Variants in NBAS observed in about 807,000 individuals in gnomAD.
The protein encoded by NBAS is NBAS subunit of NRZ tethering complex.
Under a neutral mutation model 302.5 loss-of-function variants are expected in NBAS, and 219 were observed. The ratio of observed to expected loss-of-function variants is 0.72; its 90% CI spans 0.65 to 0.81. The LOEUF (loss-of-function observed/expected upper bound fraction) is 0.81. NBAS is among the 30% of genes least tolerant of loss of function. The pLI is 0.00. For missense variants in NBAS, 2,932 were observed against 2,841.6 expected, an observed-to-expected ratio of 1.03 and a Z score of -0.72; for synonymous variants, 1,118 against 1,021.6, an observed-to-expected ratio of 1.09 and a Z score of -1.80.
chr2:15,143,235 T>C, the NBAS span, among the ~76,000 whole-genome samples: 4 of 152,166 alleles, frequency 2.6e-5, no homozygotes, highest in African/African-American at 9.7e-5. Context: ...GTGAAATCGA[T>C]TACGATCCTT....
chr2:15,504,340 C>T (rs560101379), intron 10 of NBAS, 127 bp from the exon 11 acceptor site: 2 of 807,218 alleles, frequency 2.5e-6, no homozygotes, highest in East Asian at 5.4e-5. Context: ...AGAAAATCAC[C>T]AAGAAGGTGT....
chr2:15,238,157 C>T (rs1667688491), intron 45 of NBAS, among the ~76,000 whole-genome samples: 1 of 152,070 alleles, frequency 6.6e-6, no homozygotes. Context: ...ATTTTAGAGA[C>T]CTCTCCCCTC....
At chr2:15,306,690 A>C (rs1671049397) in intron 40 of NBAS, among the ~76,000 whole-genome samples, 1 of 152,136 alleles carries the variant, frequency 6.6e-6, no homozygotes, top group South Asian at 2.1e-4. Flanking sequence ...AATCAAGATA[A>C]ATGCATATTT....
At chr2:15,179,325 T>C (rs1664711965) in intron 50 of NBAS, 5 of 638,158 alleles carry the variant, frequency 7.8e-6, no homozygotes, top group Non-Finnish European at 1.4e-5. Flanking sequence ...TTCCAAGCTA[T>C]CAGATATTCA....
the NBAS span, among the ~76,000 whole-genome samples, chr2:15,089,805 G>A: frequency 7.0e-6 from 1 of 142,284 alleles, no homozygotes; most frequent in Non-Finnish European, 1.5e-5. Flanking sequence ...CTGGAGTGCA[G>A]TGGCACAATC....
chr2:15,423,307 G>A (rs1677300586), intron 23 of NBAS, among the ~76,000 whole-genome samples: 1 of 151,974 alleles, frequency 6.6e-6, no homozygotes, highest in Non-Finnish European at 1.5e-5. Flanking sequence ...AAATGTTCTT[G>A]GCCATCACCC....
At chr2:15,072,173 G>C in the NBAS span, among the ~76,000 whole-genome samples, 1 of 152,188 alleles carries the variant, frequency 6.6e-6, no homozygotes, top group Admixed American at 6.5e-5. Flanking sequence ...GAGAGTACCA[G>C]CCTCATGGCT....
the NBAS span, among the ~76,000 whole-genome samples, chr2:15,139,840 C>T: frequency 6.6e-6 from 1 of 152,168 alleles, no homozygotes; most frequent in African/African-American, 2.4e-5. Flanking sequence ...AGCCCTGTTT[C>T]CTTCAGTAGA....
At chr2:15,288,509 T>G (rs1442329361) in intron 41 of NBAS, among the ~76,000 whole-genome samples, 1 of 152,164 alleles carries the variant, frequency 6.6e-6, no homozygotes, top group East Asian at 1.9e-4. Flanking sequence ...TCCTCAGGCC[T>G]GCTAGGGGAC....
the NBAS span, among the ~76,000 whole-genome samples, chr2:15,129,633 T>G: frequency 1.3e-5 from 2 of 152,192 alleles, no homozygotes; most frequent in Non-Finnish European, 2.9e-5. Context: ...ATTCAAGCCC[T>G]TCCTTTTCTA....
chr2:15,275,422 G>A, intron 44 of NBAS, 62 bp downstream of exon 44: 2 of 1,479,442 alleles, frequency 1.4e-6, no homozygotes, highest in Non-Finnish European at 1.9e-6. Flanking sequence ...TCTACAGAAT[G>A]TAGGAGAAAT....
the NBAS span, among the ~76,000 whole-genome samples, chr2:15,043,552 G>A: frequency 6.6e-6 from 1 of 152,106 alleles, no homozygotes; most frequent in African/African-American, 2.4e-5. Flanking sequence ...GCCCCTTGCT[G>A]TGATTTCCTA....
At chr2:15,167,884 C>T (rs576289754) in intron 51 of NBAS, among the ~76,000 whole-genome samples, 195 of 152,260 alleles carry the variant, frequency 1.3e-3, no homozygotes, top group African/African-American at 4.4e-3. Flanking sequence ...CTTTTTTGTA[C>T]TCCATTGAGA....
At chr2:14,901,499 T>A in the NBAS span, among the ~76,000 whole-genome samples, 1 of 151,832 alleles carries the variant, frequency 6.6e-6, no homozygotes, top group Non-Finnish European at 1.5e-5. Flanking sequence ...GAGGATTTTA[T>A]AAACACTTTA....
At chr2:15,406,103 T>TAAAAAAAAAAAAAAA (rs71400653) in intron 25 of NBAS, among the ~76,000 whole-genome samples, 6 of 115,032 alleles carry the variant, frequency 5.2e-5, no homozygotes, top group Admixed American at 8.7e-5. Flanking sequence ...CAATAACATG[T>TAAAAAAAAAAAAAAA]AAAAAAAAAA....
intron 21 of NBAS, among the ~76,000 whole-genome samples, chr2:15,446,829 G>A (rs80180373): frequency 6.0e-5 from 9 of 151,016 alleles, no homozygotes; most frequent in Non-Finnish European, 1.3e-4. Flanking sequence ...ACTATTTGAA[G>A]TTAGACTATT....
the NBAS span, among the ~76,000 whole-genome samples, chr2:14,953,591 G>A: frequency 6.6e-6 from 1 of 152,130 alleles, no homozygotes; most frequent in African/African-American, 2.4e-5. Context: ...AGAGACTCTG[G>A]CTAAACTTCC....
chr2:15,340,201 C>T (rs952353961), intron 35 of NBAS, among the ~76,000 whole-genome samples: 9 of 152,102 alleles, frequency 5.9e-5, no homozygotes, highest in African/African-American at 1.9e-4. Flanking sequence ...CGGAGACAAA[C>T]AGGACACTAC....
rs543923667 is a variant in NBAS at position 15,233,552 on chromosome 2, G to A, written c.6146+993C>T. Among the ~76,000 whole-genome samples, 112 of 152,202 alleles carry A rather than the reference G, an allele frequency of 7.4e-4. 1 individual carries two copies. Among genetic ancestry groups the A allele is most frequent in the East Asian group, 3.9e-4 (2 of 5,182 alleles). ...AAGATAACCATAAACCAAAAGGTAT[G>A]AAATATGGCCAACAAATATCTGTCA... is the stretch of plus-strand genomic sequence containing the variant. On this transcript the variant is annotated intron_variant, in intron 46 of 51. Coordinates refer to ENST00000281513, the MANE Select transcript of NBAS (RefSeq NM_015909.4).
Sources: gnomAD v4.1 joint callset for allele counts (sites outside exome capture counted in the v4.1 genomes callset) on GRCh38, gnomAD v4.1.1 for gene constraint, MANE v1.5 for transcripts, NCBI Gene and HGNC (gene_info 2026-07-23, HGNC 2026-07-21) for gene names.